The following CUX1 variants were observed in gnomAD, a reference collection of about 807,000 sequenced individuals.
CUX1 encodes protein CASP.
CUX1 carries 31 observed loss-of-function variants against 158.8 expected under a neutral mutation model. The ratio of observed to expected loss-of-function variants is 0.20; its 90% CI spans 0.15 to 0.26. The LOEUF (loss-of-function observed/expected upper bound fraction) is 0.26, where lower values mean the gene tolerates loss of function less well. Among genes scored for constraint, CUX1 ranks in the 10% least tolerant of loss-of-function variants. The pLI is 1.00. For synonymous variants in CUX1, 879 were observed against 862.1 expected, an observed-to-expected ratio of 1.02 and a Z score of -0.34; for missense variants, 1,589 against 2,014.6, an observed-to-expected ratio of 0.79 and a Z score of 4.04.
At chr7:101,853,757 G>A (rs1358348076) in intron 1 of CUX1, among the ~76,000 whole-genome samples, 1 of 152,160 alleles carries the variant, frequency 6.6e-6, no homozygotes, top group Non-Finnish European at 1.5e-5. Flanking sequence ...GGAGCCCTCA[G>A]TGTTCCTGCT....
chr7:101,850,525 A>G (rs1031607390), intron 1 of CUX1, among the ~76,000 whole-genome samples: 1 of 150,176 alleles, frequency 6.7e-6, no homozygotes, highest in African/African-American at 2.5e-5. Context: ...GGTATAGGAA[A>G]TGAGAGCACT....
At chr7:102,259,514 G>A (rs1790216924), downstream of CUX1, among the ~76,000 whole-genome samples, 1 of 152,126 alleles carries the variant, frequency 6.6e-6, no homozygotes, top group Non-Finnish European at 1.5e-5. Context: ...CTTGAACCTG[G>A]GAGGCAGAGG....
chr7:101,818,115 A>G (rs1381949567), intron 1 of CUX1, among the ~76,000 whole-genome samples: 1 of 152,204 alleles, frequency 6.6e-6, no homozygotes, highest in Admixed American at 6.5e-5. Flanking sequence ...TATGCGAAAT[A>G]TGTATTTCCG....
chr7:102,009,433 A>G (rs1264782205), intron 2 of CUX1, among the ~76,000 whole-genome samples: 1 of 152,212 alleles, frequency 6.6e-6, no homozygotes, highest in African/African-American at 2.4e-5. Flanking sequence ...AAGAAGGCCA[A>G]AGAAATTGCT....
At position 102,248,271 on chromosome 7, in the gene CUX1, G is replaced by C. The variant is rs1801036510; in HGVS notation, c.3888-141G>C. 1.4e-6 allele frequency: 1 copy of C among 735,624 alleles called. No individual in the cohort carries two copies. 45.6% of individuals were successfully genotyped at this position (735,624 alleles called of 1,614,324 possible). ...CTGGAGAGGGGCTGCCCCGTGGCCC[G>C]AGGGTCGCTGGAGGGGCACGGAGGG... On this transcript the variant is annotated intron_variant, in intron 23 of 23. Coordinates refer to ENST00000292535, the MANE Select transcript of CUX1 (RefSeq NM_181552.4). This position sits in a 1 kb window ranked among gnomAD's most constrained non-coding sequence, Gnocchi z 5.8.
chr7:101,922,040 C>T (rs1250471669), intron 2 of CUX1, among the ~76,000 whole-genome samples: 1 of 152,006 alleles, frequency 6.6e-6, no homozygotes, highest in African/African-American at 2.4e-5. Context: ...ATGGCTTGAG[C>T]CCAGGAGGTT....
At position 102,283,150 on chromosome 7, in the gene CUX1, A is replaced by G. The variant is rs1332032137; in HGVS notation, c.*60A>G. 8 of 1,361,970 alleles carry G rather than the reference A, an allele frequency of 5.9e-6. No individual in the cohort carries two copies. The African/African-American group carries it at 8.6e-5, about 15-fold the overall frequency. The allele number at this position is 1,361,970 out of a possible 1,614,324, so 84.4% of individuals were successfully genotyped here. On this transcript the variant is annotated 3_prime_UTR_variant, in exon 23 of 23. Transcript: ENST00000292538. Reference sequence around the variant, plus strand: ...CGCCTCCACCCCGACTGCTCAGTGCATCTAATCACTTAGACTCCCCTGAAG... The same window carrying G: ...CGCCTCCACCCCGACTGCTCAGTGCGTCTAATCACTTAGACTCCCCTGAAG...
At chr7:101,831,891 G>A (rs1334514978) in intron 1 of CUX1, among the ~76,000 whole-genome samples, 1 of 151,894 alleles carries the variant, frequency 6.6e-6, no homozygotes, top group African/African-American at 2.4e-5. Flanking sequence ...ACAGGCATGC[G>A]CCACCATGCC....
chr7:102,217,131 C>T lies in CUX1; in HGVS notation c.3131-10236C>T, dbSNP rs892157960. Among the ~76,000 whole-genome samples the T allele has an allele frequency of 1.4e-4, 21 of 152,288 alleles. No individual in the cohort carries two copies. The South Asian group carries it at 1.5e-3, about 11-fold the overall frequency. ...AATCAGTATGGATCTGCAGAAAAGC[C>T]GGAACAAGGCGAGCCTGTGCCCCTG... On this transcript the variant is annotated intron_variant, in intron 20 of 23. Transcript: ENST00000292535.
chr7:102,146,483 G>A (rs1432946742), intron 8 of CUX1, among the ~76,000 whole-genome samples: 1 of 152,182 alleles, frequency 6.6e-6, no homozygotes, highest in African/African-American at 2.4e-5. Context: ...TATTGAAATC[G>A]TTTCCCATGA....
rs111346984 is a variant in CUX1 at position 102,255,114 on chromosome 7, G to A, written c.*6072G>A. On this transcript the variant is annotated 3_prime_UTR_variant, in exon 24 of 24. Transcript: ENST00000292535. ...TCTTCCCAATCCCAGAGGCCCCGGCGGCCTGTGCTCCTCACCACCCTGGTC... is the reference window on the plus strand; with the variant it reads ...TCTTCCCAATCCCAGAGGCCCCGGCAGCCTGTGCTCCTCACCACCCTGGTC... The A allele has an allele frequency of 2.1e-4, 207 of 985,338 alleles. No homozygotes were observed. The highest frequency in any genetic ancestry group is 1.6e-3 in the Middle Eastern group (3 of 1,914). 61.0% of individuals were successfully genotyped at this position (985,338 alleles called of 1,614,324 possible).
intron 2 of CUX1, among the ~76,000 whole-genome samples, chr7:101,981,118 C>T (rs1163840949): frequency 5.1e-4 from 77 of 152,234 alleles, no homozygotes; most frequent in Non-Finnish European, 9.9e-4. Context: ...TTTGGCATAG[C>T]TCCTGAACAG....
intron 4 of CUX1, among the ~76,000 whole-genome samples, chr7:102,091,459 T>G (rs1221543901): frequency 1.3e-5 from 2 of 151,824 alleles, no homozygotes; most frequent in Non-Finnish European, 2.9e-5. Flanking sequence ...GCCTCCCTAG[T>G]AACTGGGACT....
At position 102,189,852 on chromosome 7, in the gene CUX1, G is replaced by A. The variant is rs781929112; in HGVS notation, c.1057G>A (p.Glu353Lys). ...ACTCAAAGGCCAGGCTGACTATGAAGAGGTGAAGAAAGAGCTGAAGTAAGT... is the reference window on the plus strand; with the variant it reads ...ACTCAAAGGCCAGGCTGACTATGAAAAGGTGAAGAAAGAGCTGAAGTAAGT... The part of the protein sequence containing the change: ...EKLKGQADYE[E>K]VKKELNILKS... Residue 353 changes from glutamate to lysine, a missense_variant, in exon 12 of 24, where the codon GAG becomes AAG. Coordinates refer to ENST00000292535, the MANE Select transcript of CUX1 (RefSeq NM_181552.4). 2 of 1,614,266 alleles carry A rather than the reference G, an allele frequency of 1.2e-6. No homozygotes were observed. The highest frequency in any genetic ancestry group is 1.7e-6 in the Non-Finnish European group (2 of 1,180,048).
At chr7:102,102,523 T>C (rs1291269521) in intron 5 of CUX1, among the ~76,000 whole-genome samples, 3 of 150,930 alleles carry the variant, frequency 2.0e-5, no homozygotes, top group Non-Finnish European at 3.0e-5. Flanking sequence ...CCAGCGCATG[T>C]CCGTGCAGCT....
At chr7:102,038,039 G>A (rs1392541802) in intron 3 of CUX1, among the ~76,000 whole-genome samples, 1 of 110,798 alleles carries the variant, frequency 9.0e-6, no homozygotes, top group African/African-American at 3.3e-5. Flanking sequence ...GACAGAGTGA[G>A]ACTCTGTCTC....
chr7:102,253,274 T>A lies in CUX1; in HGVS notation c.*4232T>A, dbSNP rs563753063. 2.0e-6 allele frequency: 2 copies of A among 985,572 alleles called. No individual in the cohort carries two copies. The highest frequency in any genetic ancestry group is 3.5e-5 in the African/African-American group (2 of 57,376). 61.1% of individuals were successfully genotyped at this position (985,572 alleles called of 1,614,324 possible). ...CCCAAGCCCAGGTGGCCAGCTCTCA[T>A]ACCCCATCTCCCTCCTTGGCCAGGG... On this transcript the variant is annotated 3_prime_UTR_variant, in exon 24 of 24. Transcript: ENST00000292535.
intron 3 of CUX1, among the ~76,000 whole-genome samples, chr7:102,039,794 C>A (rs1821859696): frequency 6.6e-6 from 1 of 152,124 alleles, no homozygotes; most frequent in African/African-American, 2.4e-5. Context: ...TCGTGTACAT[C>A]CATAACTGTG....
intron 9 of CUX1, among the ~76,000 whole-genome samples, chr7:102,165,028 C>T (rs1174573214): frequency 7.2e-5 from 11 of 152,030 alleles, no homozygotes; most frequent in African/African-American, 1.7e-4. Flanking sequence ...AAAGGGGAGA[C>T]GGTGAGGGTT....
Sources: gnomAD v4.1 joint callset for allele counts (sites outside exome capture counted in the v4.1 genomes callset) on GRCh38, gnomAD v4.1.1 for gene constraint, Gnocchi (gnomAD v3.1) non-coding constraint, MANE v1.5 for transcripts, NCBI Gene and HGNC (gene_info 2026-07-23, HGNC 2026-07-21) for gene names.